Variants in TTLL11 observed in about 807,000 individuals in gnomAD.
The protein encoded by TTLL11 is tubulin tyrosine ligase like 11, also known as tubulin polyglutamylase TTLL11.
In TTLL11, 42 loss-of-function variants were observed where a neutral mutation model predicts 51.7. The ratio of observed to expected loss-of-function variants is 0.81; its 90% CI spans 0.64 to 1.05. The LOEUF (loss-of-function observed/expected upper bound fraction) is 1.05. Among genes scored for constraint, TTLL11 ranks in the 50% least tolerant of loss-of-function variants. The probability of loss-of-function intolerance (pLI) is 0.00; values close to 1 mark genes in which losing one functional copy is unlikely to be tolerated. For missense variants in TTLL11, 799 were observed against 940.4 expected (o/e 0.85, Z 1.97); for synonymous variants, 381 against 383.5 (o/e 0.99, Z 0.08).
chr9:121,963,500 C>A (rs996071669), intron 6 of TTLL11: 2 of 152,162 alleles, frequency 1.3e-5, no homozygotes, highest in African/African-American at 4.8e-5. Context: ...TTGGAAGGGC[C>A]CACAAAGAAT....
intron 8 of TTLL11, among the ~76,000 whole-genome samples, chr9:121,838,270 C>T (rs138106972): frequency 2.8e-3 from 432 of 152,284 alleles, no homozygotes; most frequent in Non-Finnish European, 4.4e-3. Context: ...TACCTCCTCT[C>T]AACACCTCCA....
intron 1 of TTLL11, among the ~76,000 whole-genome samples, chr9:122,084,481 T>C (rs567762591): frequency 5.9e-5 from 9 of 152,132 alleles, no homozygotes; most frequent in Non-Finnish European, 7.3e-5. Flanking sequence ...CTAATCGTTC[T>C]CTCCAGCAAA....
chr9:121,875,109 C>G (rs1838521249), intron 6 of TTLL11, among the ~76,000 whole-genome samples: 1 of 152,062 alleles, frequency 6.6e-6, no homozygotes, highest in Admixed American at 6.5e-5. Flanking sequence ...GTGGACAGTT[C>G]AGTGGTGTTT....
intron 6 of TTLL11, among the ~76,000 whole-genome samples, chr9:121,873,831 CTTTTTT>C (rs71508142): frequency 2.6e-5 from 2 of 77,392 alleles, no homozygotes; most frequent in East Asian, 4.4e-4. Context: ...ATTAGCCTGA[CTTTTTT>C]TTTTTTTTTT....
At chr9:122,025,051 A>C (rs896632324) in intron 3 of TTLL11, among the ~76,000 whole-genome samples, 2 of 152,176 alleles carry the variant, frequency 1.3e-5, no homozygotes, top group Non-Finnish European at 2.9e-5. Context: ...AAATAAAAAA[A>C]GGCACAGACT....
In TTLL11 at chr9:121,823,973, C is replaced by T. The variant is rs531411393; in HGVS notation, c.1841-1094G>A. Among the ~76,000 whole-genome samples the T allele has an allele frequency of 5.5e-4, 84 of 152,224 alleles. 1 individual carries two copies. Among genetic ancestry groups the T allele is most frequent in the Admixed American group, 2.0e-3 (30 of 15,280 alleles). ...ATTCCTGCACTTCTCTTTGCAGCAC[C>T]GGCTGCGACTTGCTCTGTGTCTATC... On this transcript the variant is annotated intron_variant, in intron 8 of 8. Transcript: ENST00000321582.
chr9:121,826,515 GTATA>G lies in TTLL11; in HGVS notation c.1841-3640_1841-3637del, dbSNP rs771711221. Among the ~76,000 whole-genome samples the G allele has an allele frequency of 7.2e-3, 248 of 34,348 alleles. 5 individuals are homozygous for G. Among genetic ancestry groups the G allele is most frequent in the African/African-American group, 8.7e-3 (125 of 14,304 alleles). 22.5% of individuals were successfully genotyped at this position (34,348 alleles called of 152,430 possible). ...TATATGTGTGTGTATATATATATATGTATATATATATATGTGTGTGTGTATATAT... is the reference window on the plus strand; with the variant it reads ...TATATGTGTGTGTATATATATATATGTATATATATGTGTGTGTGTATATAT... On this transcript the variant is annotated intron_variant, in intron 8 of 8. Transcript: ENST00000321582.
chr9:121,824,625 G>A (rs1028442134), intron 8 of TTLL11, among the ~76,000 whole-genome samples: 1 of 151,826 alleles, frequency 6.6e-6, no homozygotes, highest in African/African-American at 2.4e-5. Flanking sequence ...TTAGTTAAAA[G>A]TTTCAACTGC....
intron 7 of TTLL11, among the ~76,000 whole-genome samples, chr9:121,865,600 G>T (rs1373132828): frequency 1.3e-5 from 2 of 151,958 alleles, no homozygotes; most frequent in East Asian, 3.9e-4. Context: ...TCCAATGGAA[G>T]GAGAATGACA....
chr9:121,922,403 T>C (rs1840577164), intron 6 of TTLL11, among the ~76,000 whole-genome samples: 1 of 152,186 alleles, frequency 6.6e-6, no homozygotes, highest in Non-Finnish European at 1.5e-5. Flanking sequence ...CATTAGAGTC[T>C]CTGAAGGAAT....
At chr9:121,974,851 C>A (rs1842660250) in intron 5 of TTLL11, 33 bp downstream of exon 5, 1 of 1,468,052 alleles carries the variant, frequency 6.8e-7, no homozygotes, top group Admixed American at 2.1e-5. Flanking sequence ...AGCTGTATGG[C>A]AACATAGTCA....
chr9:121,847,142 G>A (rs1459939089), intron 8 of TTLL11, among the ~76,000 whole-genome samples: 3 of 151,244 alleles, frequency 2.0e-5, no homozygotes, highest in East Asian at 1.9e-4. Context: ...CCCGGGAGGC[G>A]GAGCTTGCCG....
rs143223546 is a variant in TTLL11 at position 121,978,449 on chromosome 9, CTTTATTTATTTATTTATTTA to C, written c.1270-3490_1270-3471del. Among the ~76,000 whole-genome samples, 31 of 148,348 alleles carry C rather than the reference CTTTATTTATTTATTTATTTA, an allele frequency of 2.1e-4. No homozygotes were observed. In the East Asian group the frequency reaches 4.0e-3, roughly 19 times the overall value. ...TAAACTGGGGTTCCCAAGGAAAAAG[CTTTATTTATTTATTTATTTA>C]TTTATTTATTTATTTATTTATTTAT... On this transcript the variant is annotated intron_variant, in intron 4 of 8. Coordinates refer to ENST00000321582, the MANE Select transcript of TTLL11 (RefSeq NM_001139442.2).
chr9:121,842,133 G>C (rs538157680), intron 8 of TTLL11, among the ~76,000 whole-genome samples: 2 of 152,172 alleles, frequency 1.3e-5, no homozygotes, highest in African/African-American at 4.8e-5. Flanking sequence ...GAGCAGGCTG[G>C]GGATGTAGAA....
intron 1 of TTLL11, among the ~76,000 whole-genome samples, chr9:122,071,668 T>C (rs543576501): frequency 2.6e-5 from 4 of 152,172 alleles, no homozygotes; most frequent in African/African-American, 4.8e-5. Flanking sequence ...CCCACAAAGA[T>C]TGTGTGACCA....
chr9:121,878,806 C>T (rs1838666003), intron 6 of TTLL11, among the ~76,000 whole-genome samples: 1 of 152,240 alleles, frequency 6.6e-6, no homozygotes, highest in African/African-American at 2.4e-5. Flanking sequence ...CATTGTCCCT[C>T]TTGCCCACTG....
chr9:121,892,595 A>C (rs1839288275), intron 6 of TTLL11, among the ~76,000 whole-genome samples: 1 of 152,154 alleles, frequency 6.6e-6, no homozygotes, highest in African/African-American at 2.4e-5. Context: ...ACAATTCAAG[A>C]TGAGATTTGG....
intron 1 of TTLL11, among the ~76,000 whole-genome samples, chr9:122,074,140 G>C (rs1845800760): frequency 1.3e-5 from 2 of 152,082 alleles, no homozygotes; most frequent in South Asian, 4.1e-4. Flanking sequence ...CAGGTGTGGT[G>C]GTGCGCACAT....
In TTLL11 at chr9:121,853,582, C is replaced by T. The variant is rs113115859; in HGVS notation, c.1840+6755G>A. 0.017 allele frequency among the ~76,000 whole-genome samples: 2,640 copies of T among 152,246 alleles called. 81 individuals are homozygous for T. The highest frequency in any genetic ancestry group is 0.06 in the African/African-American group (2,505 of 41,544). ...TCAAGGCCCTGAAATGCGCCAATGTCCTCCCCTGGGGTTGGAATTGTGAGA... is the reference window on the plus strand; with the variant it reads ...TCAAGGCCCTGAAATGCGCCAATGTTCTCCCCTGGGGTTGGAATTGTGAGA... On this transcript the variant is annotated intron_variant, in intron 8 of 8. Coordinates refer to ENST00000321582, the MANE Select transcript of TTLL11 (RefSeq NM_001139442.2). The surrounding 1 kb of genome is among the most constrained non-coding windows in gnomAD (Gnocchi z 5.6).
Sources: allele counts gnomAD v4.1 joint callset (sites outside exome capture counted in the v4.1 genomes callset), GRCh38; gene constraint gnomAD v4.1.1; non-coding constraint Gnocchi (gnomAD v3.1); transcripts MANE v1.5; gene names NCBI Gene and HGNC (gene_info 2026-07-23, HGNC 2026-07-21).